PRKG1: variants seen among roughly 807,000 people sequenced by gnomAD.
PRKG1 encodes cGMP-dependent protein kinase 1.
PRKG1 carries 35 observed loss-of-function variants against 88.1 expected under a neutral mutation model. The ratio of observed to expected loss-of-function variants is 0.40; its 90% CI spans 0.30 to 0.53. The LOEUF (loss-of-function observed/expected upper bound fraction) is 0.53, where lower values mean the gene tolerates loss of function less well. Among genes scored for constraint, PRKG1 ranks in the 20% least tolerant of loss-of-function variants. PRKG1 has a pLI of 0.59. For missense variants in PRKG1, 540 were observed against 839.8 expected (o/e 0.64, Z 4.41); for synonymous variants, 303 against 292.5 (o/e 1.04, Z -0.37).
intron 7 of PRKG1, among the ~76,000 whole-genome samples, chr10:52,117,218 T>A (rs1847711747): frequency 6.9e-6 from 1 of 143,978 alleles, no homozygotes; most frequent in East Asian, 2.3e-4. Flanking sequence ...GGTAGCTTAA[T>A]CTTTTAAGAG....
chr10:51,593,559 A>G (rs1838365290), intron 3 of PRKG1, among the ~76,000 whole-genome samples: 1 of 152,140 alleles, frequency 6.6e-6, no homozygotes, highest in South Asian at 2.1e-4. Flanking sequence ...TTTTTAACAA[A>G]CATCTCAAAT....
chr10:51,448,811 T>G (rs1161937755), intron 2 of PRKG1, among the ~76,000 whole-genome samples: 1 of 152,086 alleles, frequency 6.6e-6, no homozygotes, highest in African/African-American at 2.4e-5. Flanking sequence ...TAATTGTGAC[T>G]GTCAGTGTTG....
intron 1 of PRKG1, chr10:51,068,696 T>C (rs1843784621): frequency 6.6e-6 from 1 of 152,014 alleles, no homozygotes; most frequent in South Asian, 2.1e-4. Flanking sequence ...AAAATTACTT[T>C]TAAAAATACT....
chr10:51,252,474 A>T (rs1383426031), intron 2 of PRKG1, among the ~76,000 whole-genome samples: 3 of 151,432 alleles, frequency 2.0e-5, no homozygotes, highest in Non-Finnish European at 4.4e-5. Flanking sequence ...AAACAGATAA[A>T]CTCTATTTCA....
chr10:51,834,103 A>G (rs1421089396), intron 4 of PRKG1, among the ~76,000 whole-genome samples: 1 of 151,434 alleles, frequency 6.6e-6, no homozygotes, highest in Non-Finnish European at 1.5e-5. Flanking sequence ...CATTGTGTAT[A>G]CAGACCACAG....
chr10:51,932,351 A>G (rs964463013), intron 5 of PRKG1, among the ~76,000 whole-genome samples: 5 of 152,208 alleles, frequency 3.3e-5, no homozygotes, highest in Admixed American at 1.3e-4. Context: ...ATGTCCTTTA[A>G]TAATAACAGC....
intron 2 of PRKG1, among the ~76,000 whole-genome samples, chr10:51,428,935 C>A (rs1448384074): frequency 6.6e-6 from 1 of 152,154 alleles, no homozygotes; most frequent in African/African-American, 2.4e-5. Flanking sequence ...GCATTGAGGG[C>A]TCATACATCC....
At chr10:51,901,173 T>C (rs1841971340) in intron 4 of PRKG1, among the ~76,000 whole-genome samples, 1 of 152,188 alleles carries the variant, frequency 6.6e-6, no homozygotes, top group African/African-American at 2.4e-5. Flanking sequence ...AGTCAAAAAG[T>C]TATTCAAGTC....
At chr10:50,999,374 C>T (rs1194869110) in intron 1 of PRKG1, among the ~76,000 whole-genome samples, 2 of 152,188 alleles carry the variant, frequency 1.3e-5, no homozygotes, top group African/African-American at 4.8e-5. Flanking sequence ...AGGAAGATGA[C>T]TACTGTAATC....
At chr10:51,251,665 T>G (rs1589280259) in intron 2 of PRKG1, among the ~76,000 whole-genome samples, 1 of 151,820 alleles carries the variant, frequency 6.6e-6, no homozygotes, top group Non-Finnish European at 1.5e-5. Context: ...ATAAAGTTCT[T>G]AAGAACTCAC....
chr10:51,233,269 A>G (rs1011342185), intron 2 of PRKG1, among the ~76,000 whole-genome samples: 1 of 152,184 alleles, frequency 6.6e-6, no homozygotes, highest in African/African-American at 2.4e-5. Flanking sequence ...TACCTAAGCT[A>G]CTTTGAGTGA....
At chr10:51,509,123 G>A (rs1273204931) in intron 3 of PRKG1, among the ~76,000 whole-genome samples, 3 of 152,106 alleles carry the variant, frequency 2.0e-5, no homozygotes, top group Non-Finnish European at 4.4e-5. Flanking sequence ...ACATTGTAAT[G>A]ATTTGAATAG....
chr10:51,816,434 A>T (rs1839587246), intron 4 of PRKG1, among the ~76,000 whole-genome samples: 1 of 152,124 alleles, frequency 6.6e-6, no homozygotes, highest in East Asian at 1.9e-4. Context: ...TCAATTGGTG[A>T]ATATGTGCAA....
chr10:51,127,246 G>A (rs567256028), intron 1 of PRKG1, among the ~76,000 whole-genome samples: 3 of 151,932 alleles, frequency 2.0e-5, no homozygotes, highest in Admixed American at 1.3e-4. Context: ...AATCTACAAG[G>A]AACTGTAATT....
chr10:51,631,374 G>A (rs1421833735), intron 3 of PRKG1, among the ~76,000 whole-genome samples: 3 of 152,138 alleles, frequency 2.0e-5, no homozygotes, highest in Admixed American at 6.5e-5. Flanking sequence ...AAACTAATAG[G>A]TGGGCCATGC....
At chr10:51,437,501 A>G (rs1261918978) in intron 2 of PRKG1, among the ~76,000 whole-genome samples, 1 of 151,906 alleles carries the variant, frequency 6.6e-6, no homozygotes, top group African/African-American at 2.4e-5. Context: ...CACATATTTT[A>G]CGTACATCAC....
chr10:52,235,750 A>G (rs1443676433), intron 9 of PRKG1, among the ~76,000 whole-genome samples: 1 of 90,174 alleles, frequency 1.1e-5, no homozygotes, highest in Admixed American at 1.2e-4. Flanking sequence ...AACATTAGAC[A>G]GATCAACGAG....
chr10:51,942,792 G>C (rs1343744236), intron 5 of PRKG1, among the ~76,000 whole-genome samples: 3 of 151,230 alleles, frequency 2.0e-5, no homozygotes, highest in Non-Finnish European at 4.4e-5. Flanking sequence ...TGAGGGCTCT[G>C]TTCTGTTCCA....
intron 3 of PRKG1, among the ~76,000 whole-genome samples, chr10:51,557,744 GAT>G (rs1837350581): frequency 6.6e-6 from 1 of 151,982 alleles, no homozygotes. Flanking sequence ...GAACCTGAAT[GAT>G]GACCTTAAGA....
Sources: allele counts gnomAD v4.1 joint callset (sites outside exome capture counted in the v4.1 genomes callset), GRCh38; gene constraint gnomAD v4.1.1; transcripts MANE v1.5; gene names NCBI Gene and HGNC (gene_info 2026-07-23, HGNC 2026-07-21).